Variants in ATG10 observed in about 807,000 individuals in gnomAD.
ATG10 encodes the protein ubiquitin-like-conjugating enzyme ATG10.
A neutral mutation model predicts 32.1 loss-of-function variants in ATG10; 30 were observed. The ratio of observed to expected loss-of-function variants is 0.94; its 90% CI spans 0.70 to 1.27. The LOEUF (loss-of-function observed/expected upper bound fraction) is 1.27. Among genes scored for constraint, ATG10 ranks in the 50% most tolerant of loss-of-function variants. The pLI, the probability that ATG10 is intolerant of heterozygous loss-of-function variation, is 0.00. For synonymous variants in ATG10, 87 were observed against 91.5 expected (o/e 0.95, Z 0.28); for missense variants, 233 against 262.3 (o/e 0.89, Z 0.77).
At chr5:82,083,776 G>A (rs577698582) in intron 3 of ATG10, among the ~76,000 whole-genome samples, 1 of 152,270 alleles carries the variant, frequency 6.6e-6, no homozygotes, top group African/African-American at 2.4e-5. Context: ...ACTGTTAGAA[G>A]GAAAATGAAC....
intron 3 of ATG10, among the ~76,000 whole-genome samples, chr5:82,148,697 C>T (rs997522255): frequency 4.6e-5 from 7 of 152,156 alleles, no homozygotes; most frequent in African/African-American, 1.7e-4. Flanking sequence ...CATTTTCTTC[C>T]AATATGCATT....
At chr5:82,162,417 T>C (rs531327679) in intron 3 of ATG10, among the ~76,000 whole-genome samples, 3 of 152,232 alleles carry the variant, frequency 2.0e-5, no homozygotes, top group African/African-American at 7.2e-5. Context: ...AAAAGAGCAT[T>C]CTCAGACATT....
chr5:81,972,634 G>A (rs932608053), intron 1 of ATG10: 1 of 152,234 alleles, frequency 6.6e-6, no homozygotes, highest in Admixed American at 6.5e-5. Context: ...CATACTGATA[G>A]CAAATCTTTG....
intron 3 of ATG10, among the ~76,000 whole-genome samples, chr5:82,062,183 T>G (rs1198613709): frequency 6.6e-6 from 1 of 152,024 alleles, no homozygotes; most frequent in South Asian, 2.1e-4. Context: ...TTTTCAACAA[T>G]CAATTTACAT....
chr5:82,117,483 A>G (rs1765853865), intron 3 of ATG10, among the ~76,000 whole-genome samples: 1 of 151,840 alleles, frequency 6.6e-6, no homozygotes, highest in African/African-American at 2.4e-5. Flanking sequence ...CCAACCTTTG[A>G]TCTTTGTCTT....
chr5:82,150,361 A>G (rs1767543647), intron 3 of ATG10, among the ~76,000 whole-genome samples: 1 of 152,130 alleles, frequency 6.6e-6, no homozygotes. Context: ...TAAAAGTCTC[A>G]TTTAATAGCA....
At chr5:82,078,769 AGT>A (rs1277623716) in intron 3 of ATG10, 2 of 152,248 alleles carry the variant, frequency 1.3e-5, no homozygotes, top group Non-Finnish European at 2.9e-5. Context: ...AAAAAAAGAA[AGT>A]GTGTATGAGC....
At chr5:82,063,642 A>G (rs1009508180) in intron 3 of ATG10, among the ~76,000 whole-genome samples, 16 of 151,894 alleles carry the variant, frequency 1.1e-4, no homozygotes, top group Non-Finnish European at 2.2e-4. Context: ...ACAGGCACCC[A>G]TCATCATGCC....
intron 2 of ATG10, among the ~76,000 whole-genome samples, chr5:82,035,775 A>C (rs1762899212): frequency 6.7e-6 from 1 of 148,164 alleles, no homozygotes; most frequent in Non-Finnish European, 1.5e-5. Context: ...AAAATATATA[A>C]TCCTATATAA....
intron 3 of ATG10, among the ~76,000 whole-genome samples, chr5:82,060,559 A>G (rs573034232): frequency 6.6e-6 from 1 of 152,188 alleles, no homozygotes; most frequent in Admixed American, 6.5e-5. Context: ...CTGTTTAATT[A>G]CGCAGGTTAA....
At chr5:82,131,369 A>G (rs894720287) in intron 3 of ATG10, among the ~76,000 whole-genome samples, 1 of 152,180 alleles carries the variant, frequency 6.6e-6, no homozygotes, top group African/African-American at 2.4e-5. Context: ...GAGTTTAAAG[A>G]TAGGGGTTCA....
intron 5 of ATG10, among the ~76,000 whole-genome samples, chr5:82,182,252 A>G (rs1020505228): frequency 6.6e-6 from 1 of 152,144 alleles, no homozygotes; most frequent in African/African-American, 2.4e-5. Flanking sequence ...AATTTTAAAC[A>G]CATACAAAAG....
intron 5 of ATG10, among the ~76,000 whole-genome samples, chr5:82,185,444 A>G (rs978649624): frequency 6.6e-6 from 1 of 152,202 alleles, no homozygotes; most frequent in African/African-American, 2.4e-5. Context: ...ACTATATAAG[A>G]GTAAGTTTAA....
intron 3 of ATG10, among the ~76,000 whole-genome samples, chr5:82,095,460 C>T (rs1392806924): frequency 6.6e-6 from 1 of 151,996 alleles, no homozygotes; most frequent in Non-Finnish European, 1.5e-5. Context: ...ATAAAATCCA[C>T]TTGGATTATG....
chr5:82,144,620 A>T (rs1164115665), intron 3 of ATG10, among the ~76,000 whole-genome samples: 1 of 151,864 alleles, frequency 6.6e-6, no homozygotes, highest in Non-Finnish European at 1.5e-5. Context: ...GGGTTTTTCT[A>T]AATATCTTAT....
rs147401030 is a variant in ATG10 at position 82,209,611 on chromosome 5, G to A, written c.453+31024G>A. On this transcript the variant is annotated intron_variant, in intron 5 of 7. Coordinates refer to ENST00000282185, the MANE Select transcript of ATG10 (RefSeq NM_031482.5). ...TTGTTTATAAACCACCAAGTTTATG[G>A]TATTGTTGTTACAGCAGTCTGAATG... Among the ~76,000 whole-genome samples the A allele has an allele frequency of 4.4e-3, 665 of 152,246 alleles. 5 individuals are homozygous for A. The highest frequency in any genetic ancestry group is 0.015 in the African/African-American group (624 of 41,530).
rs764388608 is a variant in ATG10, at chr5:82,200,463, C to CTTTTTTTT, written c.453+21897_453+21904dup. 2.3e-4 allele frequency among the ~76,000 whole-genome samples: 12 copies of CTTTTTTTT among 52,558 alleles called. 1 individual carries two copies. Among genetic ancestry groups the CTTTTTTTT allele is most frequent in the Admixed American group, 8.1e-4 (3 of 3,722 alleles). The allele number at this position is 52,558 out of a possible 152,430, so 34.5% of individuals were successfully genotyped here. ...ATCTTTTCAAATCTTTCCCTAACTT[C>CTTTTTTTT]TTTTTTTTTTTTTTTTTTTTTTTTT... is the stretch of plus-strand genomic sequence containing the variant. On this transcript the variant is annotated intron_variant, in intron 5 of 7. Transcript: ENST00000282185.
At chr5:82,070,631 G>T (rs770821939) in intron 3 of ATG10, among the ~76,000 whole-genome samples, 14 of 151,846 alleles carry the variant, frequency 9.2e-5, no homozygotes, top group Non-Finnish European at 1.6e-4. Context: ...TATTTCTCTT[G>T]CTTTCTTACT....
In ATG10 at chr5:82,164,476, T is replaced by A. The variant is rs1262865269; in HGVS notation, c.294T>A (p.Tyr98Ter). The change falls in exon 4 of 8, where the codon TAT becomes TAA. Residue 98 changes from tyrosine (Y) to a stop codon, truncating the protein, a stop_gained. Coordinates refer to ENST00000282185, the MANE Select transcript of ATG10 (RefSeq NM_031482.5). LOFTEE classifies it high-confidence loss of function. ...AAASEVIKYEYHVLYSCSYQV... is the reference protein window; with the variant it reads ...AAASEVIKYE ...CGTCCGAAGTGATTAAATATGAGTATCATGTCTTATATTCCTGTAGCTACC... is the reference window on the plus strand; with the variant it reads ...CGTCCGAAGTGATTAAATATGAGTAACATGTCTTATATTCCTGTAGCTACC... 6.2e-7 allele frequency: 1 copy of A among 1,612,904 alleles called. No homozygotes were observed. Among genetic ancestry groups the A allele is most frequent in the South Asian group, 1.1e-5 (1 of 91,062 alleles).
Sources: allele counts gnomAD v4.1 joint callset (sites outside exome capture counted in the v4.1 genomes callset), GRCh38; gene constraint gnomAD v4.1.1; transcripts MANE v1.5; gene names NCBI Gene and HGNC (gene_info 2026-07-23, HGNC 2026-07-21).